ZNF81: variants seen among roughly 807,000 people sequenced by gnomAD.
The protein encoded by ZNF81 is zinc finger protein 81.
A neutral mutation model predicts 32.3 loss-of-function variants in ZNF81; 5 were observed. The observed-to-expected ratio is 0.15, with a 90% CI of 0.08 to 0.33. ZNF81 has a LOEUF of 0.33. Ranked by LOEUF, ZNF81 falls within the 10% of genes least tolerant of loss-of-function variation. The probability of loss-of-function intolerance (pLI) is 1.00; values close to 1 mark genes in which losing one functional copy is unlikely to be tolerated. For synonymous variants in ZNF81, 163 were observed against 166.8 expected (o/e 0.98, Z 0.17); for missense variants, 379 against 479.8 (o/e 0.79, Z 1.96).
chrX:47,905,614 G>A (rs2058718737), intron 4 of ZNF81, among the ~76,000 whole-genome samples: 1 of 109,517 alleles, frequency 9.1e-6, no homozygotes. Context: ...TCTTCCAGGA[G>A]TGTCATTTTT....
intron 1 of ZNF81, chrX:47,841,773 A>G (rs149034874): frequency 0.016 from 6,492 of 398,518 alleles, 306 homozygotes; most frequent in East Asian, 0.14. Context: ...TTCTTTTCAA[A>G]AGACCAGCTA....
At chrX:47,889,878 C>T (rs1236557302) in intron 3 of ZNF81, among the ~76,000 whole-genome samples, 2 of 110,574 alleles carry the variant, frequency 1.8e-5, no homozygotes, top group Non-Finnish European at 3.8e-5. Context: ...ATGAGAACAG[C>T]ACCAAGGGGA....
intron 4 of ZNF81, among the ~76,000 whole-genome samples, chrX:47,913,097 T>A (rs12559086): frequency 0.015 from 1,637 of 111,871 alleles, 13 homozygotes; most frequent in Middle Eastern, 0.037. Flanking sequence ...TTTGTATAGG[T>A]TAGGATGGCT....
Position 47,888,001 on chromosome X carries a change from A to G in ZNF81, c.57A>G (p.Val19=), listed in dbSNP as rs1257037917. The G allele has an allele frequency of 8.3e-7, 1 of 1,209,507 alleles. No individual in the cohort carries two copies. Among genetic ancestry groups the G allele is most frequent in the Non-Finnish European group, 1.1e-6 (1 of 895,140 alleles). The change falls in exon 3 of 5, where the codon GTA becomes GTG. Residue 19 remains valine (V), a splice_region_variant and synonymous_variant. Transcript: ENST00000338637. ...TGAACAAGATTGTGTTGTTACAGGTATCAGTGTCATTTGAGGATGTGACTG... is the reference window on the plus strand; with the variant it reads ...TGAACAAGATTGTGTTGTTACAGGTGTCAGTGTCATTTGAGGATGTGACTG... ...QPGEHGSACE[V]SVSFEDVTVD...
chrX:47,850,889 GCGCACA>G lies in ZNF81; in HGVS notation c.54+4570_54+4575del, dbSNP rs1375200639. 8.8e-3 allele frequency among the ~76,000 whole-genome samples: 237 copies of G among 27,011 alleles called. 2 individuals are homozygous for G. The highest frequency in any genetic ancestry group is 0.016 in the African/African-American group (223 of 13,619). The allele number at this position is 27,011 out of a possible 115,157, so 23.5% of individuals were successfully genotyped here. On this transcript the variant is annotated intron_variant, in intron 2 of 4. Coordinates refer to ENST00000338637, the MANE Select transcript of ZNF81 (RefSeq NM_007137.5). ...CACGTGCACTCATTCACAGGCACGC[GCGCACA>G]CACACACACACACACACACACACAC... is the stretch of plus-strand genomic sequence containing the variant.
chrX:47,844,798 C>CAATGTA (rs1466946173), intron 1 of ZNF81, among the ~76,000 whole-genome samples: 1 of 112,270 alleles, frequency 8.9e-6, no homozygotes, highest in Non-Finnish European at 1.9e-5. Context: ...ATCCAACCAG[C>CAATGTA]AATGTATGAG....
chrX:47,842,268 T>G (rs2058452744), intron 1 of ZNF81, among the ~76,000 whole-genome samples: 1 of 111,721 alleles, frequency 9.0e-6, no homozygotes, highest in African/African-American at 3.3e-5. Context: ...GTGCATTCCA[T>G]TAGTGTTTGG....
Position 47,924,899 on chromosome X carries a change from A to T in ZNF81, c.*8267A>T, listed in dbSNP as rs1432771708. Among the ~76,000 whole-genome samples, 1 of 111,737 alleles carries T rather than the reference A, an allele frequency of 8.9e-6. No individual in the cohort carries two copies. ...TAATTATGTGTATTTTCAATCATGT[A>T]GAAATATTGAAAACACAGTACAACC... On this transcript the variant is annotated 3_prime_UTR_variant, in exon 5 of 5. Coordinates refer to ENST00000338637, the MANE Select transcript of ZNF81 (RefSeq NM_007137.5).
At chrX:47,903,138 G>C (rs1308253767) in intron 4 of ZNF81, among the ~76,000 whole-genome samples, 1 of 110,328 alleles carries the variant, frequency 9.1e-6, no homozygotes, top group Non-Finnish European at 1.9e-5. Flanking sequence ...CATTCCCTTT[G>C]AAAACTGGCA....
chrX:47,914,744 T>G (rs781857851), intron 4 of ZNF81, among the ~76,000 whole-genome samples, 180 bp from the exon 5 acceptor site: 5 of 111,843 alleles, frequency 4.5e-5, no homozygotes, highest in African/African-American at 6.5e-5. Context: ...GTGCCTGGAA[T>G]ATTGTAAGTG....
At chrX:47,893,065 T>A (rs782074584) in intron 3 of ZNF81, among the ~76,000 whole-genome samples, 1 of 111,874 alleles carries the variant, frequency 8.9e-6, no homozygotes, top group Non-Finnish European at 1.9e-5. Context: ...TCCAATTAGT[T>A]TTTTTTTCTT....
intron 4 of ZNF81, among the ~76,000 whole-genome samples, chrX:47,904,726 G>T (rs1556888803): frequency 1.8e-5 from 2 of 111,904 alleles, no homozygotes; most frequent in African/African-American, 3.3e-5. Flanking sequence ...TATACCCAAA[G>T]GATTATAAAT....
At chrX:47,910,061 A>G (rs1556889712) in intron 4 of ZNF81, among the ~76,000 whole-genome samples, 2 of 111,430 alleles carry the variant, frequency 1.8e-5, no homozygotes, top group Admixed American at 9.6e-5. Flanking sequence ...TAGTGCCGCA[A>G]TGAACATACA....
Position 47,841,402 on chromosome X carries a change from A to G in ZNF81, c.-164+4415A>G, listed in dbSNP as rs1194371942. On this transcript the variant is annotated intron_variant, in intron 1 of 4. Coordinates refer to ENST00000338637, the MANE Select transcript of ZNF81 (RefSeq NM_007137.5). ...TTGCAGTGGTTCTCTGCACCAGTAA[A>G]CTCACGCCATCAATCCTTTCGATGT... is the stretch of plus-strand genomic sequence containing the variant. The G allele has an allele frequency of 6.3e-6, 5 of 789,898 alleles. No individual in the cohort carries two copies. The African/African-American group carries it at 1.0e-4, about 16-fold the overall frequency. 65.1% of individuals were successfully genotyped at this position (789,898 alleles called of 1,213,427 possible).
rs1353532029 is a variant in ZNF81 at position 47,841,201 on chromosome X, G to C, written c.-164+4214G>C. On this transcript the variant is annotated intron_variant, in intron 1 of 4. Coordinates refer to ENST00000338637, the MANE Select transcript of ZNF81 (RefSeq NM_007137.5). ...GTGCTCCTCAATCACTGTACTGTCT[G>C]TCAGAGGGATGGTCTTATTCTTGAC... 4.0e-6 allele frequency: 3 copies of C among 745,723 alleles called. No individual in the cohort carries two copies. The African/African-American group carries it at 6.2e-5, about 15-fold the overall frequency. The allele number at this position is 745,723 out of a possible 1,213,427, so 61.5% of individuals were successfully genotyped here.
Position 47,895,273 on chromosome X carries a change from T to C in ZNF81, c.182-572T>C, listed in dbSNP as rs782356128. ...GTGGGCCCTACTCTAATCTGACTGA[T>C]GTCCTTATAAAAAGGGGAAATTTGG... On this transcript the variant is annotated intron_variant, in intron 3 of 4. Coordinates refer to ENST00000338637, the MANE Select transcript of ZNF81 (RefSeq NM_007137.5). Among the ~76,000 whole-genome samples, 9 of 111,530 alleles carry C rather than the reference T, an allele frequency of 8.1e-5. No individual in the cohort carries two copies. The South Asian group carries it at 3.4e-3, about 42-fold the overall frequency.
intron 2 of ZNF81, among the ~76,000 whole-genome samples, chrX:47,851,164 A>G (rs1418937481): frequency 8.9e-6 from 1 of 112,142 alleles, no homozygotes; most frequent in African/African-American, 3.2e-5. Context: ...ATCTTTTGCA[A>G]TTGTACACAA....
intron 2 of ZNF81, among the ~76,000 whole-genome samples, chrX:47,848,592 T>C (rs781999441): frequency 9.0e-6 from 1 of 111,286 alleles, no homozygotes; most frequent in Admixed American, 9.7e-5. Context: ...AATAGTAATA[T>C]AGAAAAAATG....
At chrX:47,892,539 T>A (rs2058666144) in intron 3 of ZNF81, among the ~76,000 whole-genome samples, 1 of 112,056 alleles carries the variant, frequency 8.9e-6, no homozygotes, top group South Asian at 3.7e-4. Context: ...GCATTTCAAC[T>A]TCATTTAGTG....
Sources: allele counts gnomAD v4.1 joint callset (sites outside exome capture counted in the v4.1 genomes callset), GRCh38; gene constraint gnomAD v4.1.1; transcripts MANE v1.5; gene names NCBI Gene and HGNC (gene_info 2026-07-23, HGNC 2026-07-21).